Variants in STK33 observed in about 807,000 individuals in gnomAD.
STK33 encodes serine/threonine kinase 33.
STK33 carries 52 observed loss-of-function variants against 58.0 expected under a neutral mutation model. The observed-to-expected ratio is 0.90, with a 90% CI of 0.72 to 1.13. The LOEUF (loss-of-function observed/expected upper bound fraction) is 1.13, where lower values mean the gene tolerates loss of function less well. Among genes scored for constraint, STK33 ranks in the 50% most tolerant of loss-of-function variants. The pLI, the probability that STK33 is intolerant of heterozygous loss-of-function variation, is 0.00. For missense variants in STK33, 630 were observed against 604.2 expected, an observed-to-expected ratio of 1.04 and a Z score of -0.45; for synonymous variants, 215 against 200.1, an observed-to-expected ratio of 1.07 and a Z score of -0.63.
intron 15 of STK33, among the ~76,000 whole-genome samples, chr11:8,412,364 T>A (rs887225541): frequency 2.0e-5 from 3 of 152,254 alleles, no homozygotes; most frequent in African/African-American, 7.2e-5. Context: ...TGAGCTTATG[T>A]CTACATTATG....
At chr11:8,500,753 C>T (rs1321416061) in intron 1 of STK33, among the ~76,000 whole-genome samples, 1 of 152,096 alleles carries the variant, frequency 6.6e-6, no homozygotes, top group Non-Finnish European at 1.5e-5. Flanking sequence ...AACAAAGTTA[C>T]AGCACTCATA....
chr11:8,410,388 A>G (rs1170752940), intron 15 of STK33, among the ~76,000 whole-genome samples: 6 of 152,104 alleles, frequency 3.9e-5, no homozygotes, highest in Admixed American at 3.9e-4. Context: ...TATCTCCTAC[A>G]ATACTATAAC....
At chr11:8,450,902 T>G (rs1591173594) in intron 11 of STK33, among the ~76,000 whole-genome samples, 1 of 152,288 alleles carries the variant, frequency 6.6e-6, no homozygotes, top group East Asian at 1.9e-4. Context: ...AAATAGACAC[T>G]TCACCAGAAA....
chr11:8,498,074 G>C (rs1454190480), intron 1 of STK33, among the ~76,000 whole-genome samples: 2 of 151,894 alleles, frequency 1.3e-5, no homozygotes, highest in African/African-American at 4.8e-5. Flanking sequence ...AATCAATGTA[G>C]TATACTATAT....
chr11:8,380,409 A>T, the STK33 span, among the ~76,000 whole-genome samples: 1 of 152,160 alleles, frequency 6.6e-6, no homozygotes, highest in Non-Finnish European at 1.5e-5. Context: ...AAAATACAAA[A>T]AATAGCTTGG....
At chr11:8,394,744 C>A (rs2134984166) in intron 15 of STK33, among the ~76,000 whole-genome samples, 1 of 152,182 alleles carries the variant, frequency 6.6e-6, no homozygotes, top group African/African-American at 2.4e-5. Flanking sequence ...TTATTAAAGT[C>A]TTCTGGCAAA....
chr11:8,341,091 C>T, the STK33 span, among the ~76,000 whole-genome samples: 1 of 121,666 alleles, frequency 8.2e-6, no homozygotes, highest in Admixed American at 9.0e-5. Context: ...CTCATGACCT[C>T]AGGTGATCTG....
At chr11:8,506,834 A>G (rs559016733) in intron 1 of STK33, among the ~76,000 whole-genome samples, 2 of 152,256 alleles carry the variant, frequency 1.3e-5, no homozygotes, top group East Asian at 1.9e-4. Flanking sequence ...TTTTAATTTG[A>G]TATAAATACA....
intron 1 of STK33, among the ~76,000 whole-genome samples, chr11:8,553,242 G>GATATATATATATGGTGTGTAT (rs1956489165): frequency 1.8e-5 from 1 of 55,930 alleles, no homozygotes; most frequent in East Asian, 5.0e-4. Flanking sequence ...ATATATATAT[G>GATATATATATATGGTGTGTAT]ATATATATGA....
chr11:8,389,237 G>C (rs550573784), downstream of STK33, among the ~76,000 whole-genome samples: 3 of 152,248 alleles, frequency 2.0e-5, no homozygotes, highest in Non-Finnish European at 4.4e-5. Context: ...TGCCTGGCAG[G>C]AGCCACGCCC....
chr11:8,560,819 G>A (rs1957067798), intron 1 of STK33, among the ~76,000 whole-genome samples: 1 of 152,142 alleles, frequency 6.6e-6, no homozygotes. Flanking sequence ...AGACACAGAT[G>A]AAGATTCTAC....
rs913483872 is a variant in STK33, at chr11:8,520,429, G to T, written c.-465-39815C>A. Among the ~76,000 whole-genome samples the T allele has an allele frequency of 2.6e-4, 39 of 152,170 alleles. No individual in the cohort carries two copies. The East Asian group carries it at 6.6e-3, about 26-fold the overall frequency. On this transcript the variant is annotated intron_variant, in intron 1 of 15. Transcript: ENST00000687296. ...ACTGGAAGCATTCCCTTTGAAAACT[G>T]GCACAAGACAGGGATGCCCTCTCTC...
Position 8,447,044 on chromosome 11 carries a change from G to T in STK33, c.871+5778C>A, listed in dbSNP as rs1034658206. On this transcript the variant is annotated intron_variant, in intron 11 of 15. Coordinates refer to ENST00000687296, the MANE Select transcript of STK33 (RefSeq NM_001352389.2). ...GAGTGAACAGGCAACCTAGAGAATG[G>T]GAGAAAGTTTTTGCAATCTTTCCAT... 1.6e-4 allele frequency among the ~76,000 whole-genome samples: 24 copies of T among 152,152 alleles called. 1 individual carries two copies. The highest frequency in any genetic ancestry group is 2.9e-5 in the Non-Finnish European group (2 of 68,024).
chr11:8,560,852 C>T (rs890671068), intron 1 of STK33, among the ~76,000 whole-genome samples: 7 of 152,108 alleles, frequency 4.6e-5, no homozygotes, highest in African/African-American at 1.2e-4. Flanking sequence ...GAATTAAACT[C>T]ATCTGAGAAT....
At chr11:8,531,519 A>C (rs1356003372) in intron 1 of STK33, among the ~76,000 whole-genome samples, 2 of 152,220 alleles carry the variant, frequency 1.3e-5, no homozygotes, top group Admixed American at 6.5e-5. Flanking sequence ...TTTATCCAAG[A>C]TGCCAACCAG....
At chr11:8,394,490 A>G (rs1044147924) in intron 15 of STK33, among the ~76,000 whole-genome samples, 71 of 152,378 alleles carry the variant, frequency 4.7e-4, no homozygotes, top group African/African-American at 1.7e-3. Flanking sequence ...TCGAGCAGGA[A>G]TAAAGATTCA....
chr11:8,521,210 A>G (rs1235875912), intron 1 of STK33, among the ~76,000 whole-genome samples: 2 of 152,114 alleles, frequency 1.3e-5, no homozygotes, highest in Non-Finnish European at 2.9e-5. Flanking sequence ...GAGGCATCAC[A>G]CTACCTGACT....
At chr11:8,381,150 T>C in the STK33 span, among the ~76,000 whole-genome samples, 1 of 152,094 alleles carries the variant, frequency 6.6e-6, no homozygotes, top group Non-Finnish European at 1.5e-5. Flanking sequence ...AACCTACATA[T>C]TGGGTACAAT....
intron 1 of STK33, among the ~76,000 whole-genome samples, chr11:8,493,355 G>A (rs547148129): frequency 6.6e-6 from 1 of 151,886 alleles, no homozygotes; most frequent in Non-Finnish European, 1.5e-5. Flanking sequence ...AGAAAAAATT[G>A]ATAAATTCCT....
Sources: gnomAD v4.1 joint callset for allele counts (sites outside exome capture counted in the v4.1 genomes callset) on GRCh38, gnomAD v4.1.1 for gene constraint, MANE v1.5 for transcripts, NCBI Gene and HGNC (gene_info 2026-07-23, HGNC 2026-07-21) for gene names.